Variants in ERN1 observed in about 807,000 individuals in gnomAD.
ERN1 encodes endoplasmic reticulum to nucleus signaling 1.
A neutral mutation model predicts 113.1 loss-of-function variants in ERN1; 39 were observed. The ratio of observed to expected loss-of-function variants is 0.34; its 90% CI spans 0.27 to 0.45. The LOEUF (loss-of-function observed/expected upper bound fraction) is 0.45. Ranked by LOEUF, ERN1 falls within the 20% of genes least tolerant of loss-of-function variation. ERN1 has a pLI of 1.00. For synonymous variants in ERN1, 507 were observed against 515.9 expected (o/e 0.98, Z 0.23); for missense variants, 976 against 1,274.8 (o/e 0.77, Z 3.57).
chr17:64,056,392 C>A (rs921571062), intron 12 of ERN1, among the ~76,000 whole-genome samples: 9 of 152,336 alleles, frequency 5.9e-5, no homozygotes, highest in African/African-American at 2.2e-4. Flanking sequence ...TGGCTAGAGG[C>A]TAGCGCACAG....
intron 1 of ERN1, among the ~76,000 whole-genome samples, chr17:64,120,521 A>G (rs1008738995): frequency 1.3e-5 from 2 of 152,222 alleles, no homozygotes; most frequent in Non-Finnish European, 2.9e-5. Context: ...TTGAATTATA[A>G]TTATAAATTA....
Position 64,066,900 on chromosome 17 carries a change from G to A in ERN1, c.613C>T (p.Leu205=). 5 of 1,613,804 alleles carry A rather than the reference G, an allele frequency of 3.1e-6. No individual in the cohort carries two copies. Among genetic ancestry groups the A allele is most frequent in the Non-Finnish European group, 4.2e-6 (5 of 1,179,814 alleles). The change falls in exon 8 of 22, where the codon CTG becomes TTG. Residue 205 remains leucine, a synonymous_variant. Coordinates refer to ENST00000433197, the MANE Select transcript of ERN1 (RefSeq NM_001433.5). ...MSHFVSNGDG[L]VVTVDSESGD... Reference sequence around the variant, plus strand: ...GATTCACTGTCCACAGTCACCACCAGCCCATCACCATTGGACACAAAGTGG... The same window carrying A: ...GATTCACTGTCCACAGTCACCACCAACCCATCACCATTGGACACAAAGTGG...
At position 64,042,981 on chromosome 17, in the gene ERN1, A is replaced by T. The variant is rs196908; in HGVS notation, c.*1007T>A. The stretch of plus-strand genomic sequence containing the variant: ...AAACAAAAAAGCTGGCCCATGAAGC[A>T]CACGGTGACCCTGGCCTTGGCCACC... On this transcript the variant is annotated 3_prime_UTR_variant, in exon 22 of 22. Transcript: ENST00000433197. 142,670 of 152,470 alleles carry T rather than the reference A, an allele frequency of 0.94. 67,517 individuals are homozygous for T. Among genetic ancestry groups the T allele is most frequent in the East Asian group, 1 (5,308 of 5,308 alleles). The allele number at this position is 152,470 out of a possible 1,614,324, so 9.4% of individuals were successfully genotyped here.
rs112539693 is a variant in ERN1 at position 64,101,917 on chromosome 17, G to A, written c.55-3676C>T. ...GCACTAGTGGAAACAAAAGCCACCT[G>A]CCTTGTCTGAGCATCTTGGAAGCCA... On this transcript the variant is annotated intron_variant, in intron 1 of 21. Coordinates refer to ENST00000433197, the MANE Select transcript of ERN1 (RefSeq NM_001433.5). Among the ~76,000 whole-genome samples the A allele has an allele frequency of 3.3e-3, 499 of 152,236 alleles. 2 individuals are homozygous for A. The highest frequency in any genetic ancestry group is 0.012 in the African/African-American group (480 of 41,522).
intron 10 of ERN1, among the ~76,000 whole-genome samples, chr17:64,061,830 G>C (rs907604461): frequency 6.6e-6 from 1 of 152,202 alleles, no homozygotes; most frequent in Non-Finnish European, 1.5e-5. Flanking sequence ...TCTTCCACAT[G>C]CCACGCTGTG....
intron 2 of ERN1, among the ~76,000 whole-genome samples, chr17:64,094,533 G>C (rs571883194): frequency 4.6e-5 from 7 of 151,800 alleles, no homozygotes; most frequent in African/African-American, 1.7e-4. Context: ...CTCCTGCCCT[G>C]TATGACTGGC....
At chr17:64,059,456 C>T (rs977641073) in intron 11 of ERN1, among the ~76,000 whole-genome samples, 2 of 152,184 alleles carry the variant, frequency 1.3e-5, no homozygotes, top group Non-Finnish European at 2.9e-5. Context: ...GTCACTAAGC[C>T]TCAGACGTCC....
rs531408691 is a variant in ERN1, at chr17:64,051,629, C to G, written c.2253+1151G>C. On this transcript the variant is annotated intron_variant, in intron 17 of 21. Coordinates refer to ENST00000433197, the MANE Select transcript of ERN1 (RefSeq NM_001433.5). ...CCAGAATGGGGCATCCTATAACCCACTGCCTGGACTCTTCAAAATGGAACT... is the reference window on the plus strand; with the variant it reads ...CCAGAATGGGGCATCCTATAACCCAGTGCCTGGACTCTTCAAAATGGAACT... Among the ~76,000 whole-genome samples, 4 of 152,360 alleles carry G rather than the reference C, an allele frequency of 2.6e-5. No individual in the cohort carries two copies. The South Asian group carries it at 8.3e-4, about 32-fold the overall frequency.
intron 1 of ERN1, among the ~76,000 whole-genome samples, chr17:64,116,509 C>T (rs1386902615): frequency 6.6e-6 from 1 of 152,104 alleles, no homozygotes; most frequent in East Asian, 1.9e-4. Flanking sequence ...CTGGATTGCT[C>T]ATAATGAGGT....
chr17:64,055,190 G>A (rs549517652), intron 13 of ERN1, among the ~76,000 whole-genome samples: 98 of 152,340 alleles, frequency 6.4e-4, no homozygotes, highest in African/African-American at 2.2e-3. Flanking sequence ...GTAAAGATCC[G>A]CACTGAAGCA....
chr17:64,066,153 C>A (rs924187102), intron 8 of ERN1, among the ~76,000 whole-genome samples: 6 of 152,122 alleles, frequency 3.9e-5, no homozygotes, highest in Non-Finnish European at 8.8e-5. Flanking sequence ...GACACACACA[C>A]ACACTGTAAC....
At position 64,054,318 on chromosome 17, in the gene ERN1, A is replaced by G. The variant is rs1370653019; in HGVS notation, c.1885T>C (p.Phe629Leu). The G allele has an allele frequency of 6.2e-7, 1 of 1,613,718 alleles. No individual in the cohort carries two copies. Among genetic ancestry groups the G allele is most frequent in the Non-Finnish European group, 8.5e-7 (1 of 1,179,840 alleles). ...SDEHPNVIRYFCTEKDRQFQY... is the reference protein window; with the variant it reads ...SDEHPNVIRYLCTEKDRQFQY... The stretch of plus-strand genomic sequence containing the variant: ...AATTGCCGGTCCTTCTCCGTGCAGA[A>G]GTAGCGGATCACGTTCGGGTGCTCA... Residue 629 changes from phenylalanine (F) to leucine (L), a missense_variant, in exon 15 of 22, where the codon TTC becomes CTC. Physicochemically the swap from Phe to Leu is conservative, Grantham distance 22. Coordinates refer to ENST00000433197, the MANE Select transcript of ERN1 (RefSeq NM_001433.5). This position sits in a 1 kb window ranked among gnomAD's most constrained non-coding sequence, Gnocchi z 4.9.
At chr17:64,102,338 A>G (rs184595594) in intron 1 of ERN1, among the ~76,000 whole-genome samples, 1 of 152,312 alleles carries the variant, frequency 6.6e-6, no homozygotes, top group African/African-American at 2.4e-5. Context: ...GTCTTGGAAA[A>G]ATCTCAAAAA....
At chr17:64,094,414 T>C (rs1244215734) in intron 2 of ERN1, among the ~76,000 whole-genome samples, 1 of 152,242 alleles carries the variant, frequency 6.6e-6, no homozygotes, top group Admixed American at 6.5e-5. Context: ...ACCAGTTCGG[T>C]AATATGTTTA....
At chr17:64,047,113 C>T (rs1457440095) in intron 19 of ERN1, among the ~76,000 whole-genome samples, 2 of 152,156 alleles carry the variant, frequency 1.3e-5, no homozygotes, top group Non-Finnish European at 2.9e-5. Context: ...AATCCCAGCA[C>T]TTTGGGAGGC....
rs146172851 is a variant in ERN1, at chr17:64,119,692, C to T, written c.54+10284G>A. On this transcript the variant is annotated intron_variant, in intron 1 of 21. Coordinates refer to ENST00000433197, the MANE Select transcript of ERN1 (RefSeq NM_001433.5). The stretch of plus-strand genomic sequence containing the variant: ...CAGGCATGAGCCACCACGCCTAGAA[C>T]TAGAAATAAAGTTAGAACTTTATTT... Among the ~76,000 whole-genome samples, 24 of 151,132 alleles carry T rather than the reference C, an allele frequency of 1.6e-4. 1 individual carries two copies. The East Asian group carries it at 4.7e-3, about 30-fold the overall frequency.
At chr17:64,113,364 C>T (rs535494704) in intron 1 of ERN1, among the ~76,000 whole-genome samples, 2 of 152,290 alleles carry the variant, frequency 1.3e-5, no homozygotes, top group South Asian at 4.2e-4. Flanking sequence ...ATTACTTTTG[C>T]TATCCTAGAC....
chr17:64,128,379 T>G (rs573705265), intron 1 of ERN1, among the ~76,000 whole-genome samples: 1 of 152,248 alleles, frequency 6.6e-6, no homozygotes, highest in Admixed American at 6.5e-5. Flanking sequence ...TATTTTATCA[T>G]GAACTCTGAG....
intron 10 of ERN1, 95 bp from the exon 11 acceptor site, chr17:64,060,682 G>A (rs1258751058): frequency 2.5e-6 from 2 of 810,072 alleles, no homozygotes; most frequent in African/African-American, 1.7e-5. Context: ...CCCACTGAGG[G>A]GTCCACAATG....
Sources: gnomAD v4.1 joint callset for allele counts (sites outside exome capture counted in the v4.1 genomes callset) on GRCh38, gnomAD v4.1.1 for gene constraint, Gnocchi (gnomAD v3.1) non-coding constraint, MANE v1.5 for transcripts, NCBI Gene and HGNC (gene_info 2026-07-23, HGNC 2026-07-21) for gene names.